SKAP2: variants seen among roughly 807,000 people sequenced by gnomAD.
SKAP2 encodes src kinase associated phosphoprotein 2, also known as src kinase-associated phosphoprotein 2.
Under a neutral mutation model 54.9 loss-of-function variants are expected in SKAP2, and 28 were observed. The ratio of observed to expected loss-of-function variants is 0.51; its 90% CI spans 0.38 to 0.70. The LOEUF (loss-of-function observed/expected upper bound fraction) is 0.70, where lower values mean the gene tolerates loss of function less well. SKAP2 is among the 30% of genes least tolerant of loss of function. The pLI, the probability that SKAP2 is intolerant of heterozygous loss-of-function variation, is 0.00. For missense variants in SKAP2, 356 were observed against 424.1 expected, an observed-to-expected ratio of 0.84 and a Z score of 1.41; for synonymous variants, 137 against 134.3, an observed-to-expected ratio of 1.02 and a Z score of -0.14.
intron 11 of SKAP2, among the ~76,000 whole-genome samples, chr7:26,678,517 T>A (rs1786408164): frequency 6.6e-6 from 1 of 150,906 alleles, no homozygotes; most frequent in South Asian, 2.1e-4. Context: ...CTCAGCTCAC[T>A]GCAACCTCTA....
rs542238850 is a variant in SKAP2 at position 26,766,118 on chromosome 7, C to G, written c.308-26154G>C. ...CTATCCATGAGCATGGAATGTTTTT[C>G]CATTTGTTTGTGTCCTGTCTTATTT... On this transcript the variant is annotated intron_variant, in intron 4 of 12. Transcript: ENST00000345317. 4.6e-5 allele frequency among the ~76,000 whole-genome samples: 7 copies of G among 152,236 alleles called. No homozygotes were observed. In the East Asian group the frequency reaches 1.3e-3, roughly 29 times the overall value.
At chr7:26,835,038 G>A (rs895465018) in intron 4 of SKAP2, among the ~76,000 whole-genome samples, 2 of 152,128 alleles carry the variant, frequency 1.3e-5, no homozygotes, top group African/African-American at 4.8e-5. Flanking sequence ...AGGCTGGTTT[G>A]ACATATGCAA....
At chr7:26,702,569 T>C (rs1787055120) in intron 9 of SKAP2, among the ~76,000 whole-genome samples, 1 of 152,178 alleles carries the variant, frequency 6.6e-6, no homozygotes. Flanking sequence ...TCCTAGTTGC[T>C]GCATACTAGA....
At chr7:26,758,009 C>T (rs1782835509) in intron 4 of SKAP2, among the ~76,000 whole-genome samples, 1 of 152,222 alleles carries the variant, frequency 6.6e-6, no homozygotes, top group Admixed American at 6.5e-5. Flanking sequence ...GATCCACCCA[C>T]CTCGGCCTCC....
At chr7:26,719,169 T>C (rs1447449092) in intron 9 of SKAP2, among the ~76,000 whole-genome samples, 1 of 152,094 alleles carries the variant, frequency 6.6e-6, no homozygotes, top group Non-Finnish European at 1.5e-5. Context: ...AGCAAGACCC[T>C]ATCTTTAAAA....
At chr7:26,732,243 A>C (rs1285608816) in intron 6 of SKAP2, among the ~76,000 whole-genome samples, 1 of 152,186 alleles carries the variant, frequency 6.6e-6, no homozygotes, top group Non-Finnish European at 1.5e-5. Context: ...TTCTGGTGGC[A>C]ATGGCACTCA....
At chr7:26,850,908 GAA>G (rs1729846781) in intron 3 of SKAP2, among the ~76,000 whole-genome samples, 1 of 151,912 alleles carries the variant, frequency 6.6e-6, no homozygotes, top group African/African-American at 2.4e-5. Context: ...AAATGAAAAA[GAA>G]AGTTTTAAAA....
chr7:26,785,418 C>A (rs1783524255), intron 4 of SKAP2, among the ~76,000 whole-genome samples: 1 of 152,104 alleles, frequency 6.6e-6, no homozygotes, highest in African/African-American at 2.4e-5. Flanking sequence ...GATCTCCTGA[C>A]CTCGTGATCC....
chr7:26,789,320 G>T (rs1157853638), intron 4 of SKAP2, among the ~76,000 whole-genome samples: 2 of 152,072 alleles, frequency 1.3e-5, no homozygotes, highest in African/African-American at 4.8e-5. Context: ...TTCTATTCTA[G>T]TAGGATTTAT....
chr7:26,789,626 A>G (rs1029417328), intron 4 of SKAP2, among the ~76,000 whole-genome samples: 3 of 152,138 alleles, frequency 2.0e-5, no homozygotes, highest in African/African-American at 7.2e-5. Context: ...TTCTCGCAAA[A>G]TAATAACTCT....
intron 4 of SKAP2, among the ~76,000 whole-genome samples, chr7:26,833,397 C>CAAAAAAAAAAA (rs1218013639): frequency 2.3e-5 from 2 of 85,132 alleles, no homozygotes; most frequent in East Asian, 3.7e-4. Context: ...GACTCCGTCT[C>CAAAAAAAAAAA]AAAAAAAAAA....
In SKAP2 at chr7:26,669,226, G is replaced by T. The variant is rs1044966032; in HGVS notation, c.*440C>A. Reference sequence around the variant, plus strand: ...CTTCAGCATCTACCAAAAAAAACTCGCATGATACACTAAATTTAAAATGCT... The same window carrying T: ...CTTCAGCATCTACCAAAAAAAACTCTCATGATACACTAAATTTAAAATGCT... On this transcript the variant is annotated 3_prime_UTR_variant, in exon 13 of 13. Transcript: ENST00000345317. 6.6e-6 allele frequency: 1 copy of T among 151,956 alleles called. No individual in the cohort carries two copies. Among genetic ancestry groups the T allele is most frequent in the Non-Finnish European group, 1.5e-5 (1 of 67,986 alleles). The allele number at this position is 151,956 out of a possible 1,614,324, so 9.4% of individuals were successfully genotyped here.
intron 1 of SKAP2, among the ~76,000 whole-genome samples, chr7:26,861,615 C>CTTTTTTT (rs34331819): frequency 8.6e-6 from 1 of 116,146 alleles, no homozygotes; most frequent in Admixed American, 8.9e-5. Flanking sequence ...ATAACAACCT[C>CTTTTTTT]TTTTTTTTTT....
chr7:26,743,740 AC>A (rs1180805586), intron 4 of SKAP2, among the ~76,000 whole-genome samples: 1 of 152,202 alleles, frequency 6.6e-6, no homozygotes, highest in African/African-American at 2.4e-5. Context: ...TACAAGGACA[AC>A]TAAGCAAGGA....
At chr7:26,843,125 A>C (rs1484632228) in intron 4 of SKAP2, among the ~76,000 whole-genome samples, 5 of 152,068 alleles carry the variant, frequency 3.3e-5, no homozygotes, top group African/African-American at 7.2e-5. Flanking sequence ...CAAAGGGAAT[A>C]ATCTGGATAA....
chr7:26,695,562 T>C (rs1786877315), intron 9 of SKAP2, among the ~76,000 whole-genome samples: 1 of 152,190 alleles, frequency 6.6e-6, no homozygotes, highest in South Asian at 2.1e-4. Flanking sequence ...CCTCCTTTAT[T>C]TTCATTAAAA....
intron 4 of SKAP2, 84 bp downstream of exon 4, chr7:26,843,946 A>T (rs916083705): frequency 3.5e-6 from 3 of 851,092 alleles, no homozygotes; most frequent in Non-Finnish European, 5.8e-6. Flanking sequence ...CTCTATGTTC[A>T]TCTGCTTTCT....
intron 3 of SKAP2, among the ~76,000 whole-genome samples, chr7:26,852,012 A>G (rs985045307): frequency 6.6e-6 from 1 of 152,160 alleles, no homozygotes; most frequent in Non-Finnish European, 1.5e-5. Flanking sequence ...TAAATAAAAT[A>G]AGGGTGTAAA....
At position 26,727,601 on chromosome 7, in the gene SKAP2, C is replaced by T. The variant is rs115901274; in HGVS notation, c.470-595G>A. Among the ~76,000 whole-genome samples, 825 of 152,100 alleles carry T rather than the reference C, an allele frequency of 5.4e-3. 4 individuals carry two copies. Among genetic ancestry groups the T allele is most frequent in the African/African-American group, 0.019 (784 of 41,500 alleles). On this transcript the variant is annotated intron_variant, in intron 6 of 12. Transcript: ENST00000345317. ...ATAAAGAAGAGTGGTAAAGCAAGTA[C>T]AGAAGCATTAGTTACCAAAAATAGA...
Sources: gnomAD v4.1 joint callset for allele counts (sites outside exome capture counted in the v4.1 genomes callset) on GRCh38, gnomAD v4.1.1 for gene constraint, MANE v1.5 for transcripts, NCBI Gene and HGNC (gene_info 2026-07-23, HGNC 2026-07-21) for gene names.